RSRP1: variants seen among roughly 807,000 people sequenced by gnomAD.
RSRP1 encodes the protein arginine and serine rich protein 1, also known as arginine/serine-rich protein 1.
RSRP1 carries 37 observed loss-of-function variants against 33.0 expected under a neutral mutation model. The ratio of observed to expected loss-of-function variants is 1.12; its 90% CI spans 0.86 to 1.48. The LOEUF is 1.48. Ranked by LOEUF, RSRP1 falls within the 40% of genes most tolerant of loss-of-function variation. The probability of loss-of-function intolerance (pLI) is 0.00; values close to 1 mark genes in which losing one functional copy is unlikely to be tolerated. For missense variants in RSRP1, 402 were observed against 385.3 expected, an observed-to-expected ratio of 1.04 and a Z score of -0.36; for synonymous variants, 167 against 158.7, an observed-to-expected ratio of 1.05 and a Z score of -0.40.
intron 1 of RSRP1, among the ~76,000 whole-genome samples, chr1:25,331,282 A>C (rs956470009): frequency 4.6e-5 from 6 of 131,002 alleles, no homozygotes; most frequent in African/African-American, 1.0e-4. Flanking sequence ...TCTTCTTATA[A>C]GGACACCAGT....
rs1346306913 is a variant in RSRP1, at chr1:25,297,855, C to A, written c.-67+40123G>T. Among the ~76,000 whole-genome samples the A allele has an allele frequency of 1.3e-4, 17 of 131,274 alleles. 1 individual carries two copies. The highest frequency in any genetic ancestry group is 4.1e-3 in the Middle Eastern group (1 of 244). The allele number at this position is 131,274 out of a possible 152,430, so 86.1% of individuals were successfully genotyped here. ...GACAGTTTTAAAAAACAAACAAACA[C>A]AAAGAACCTCCAAGGGCAGGAGGTG... On this transcript the variant is annotated intron_variant, in intron 1 of 1. Coordinates refer to the RSRP1 transcript ENST00000561867.
rs1337948447 is a variant in RSRP1 at position 25,276,428 on chromosome 1, A to C, written c.-66-29399T>G. On this transcript the variant is annotated intron_variant, in intron 1 of 1. Transcript: ENST00000561867. ...TGTAATAGTTAATTAAAAAAAAAAAAAAACACCCTGGCTGAGCATTTAGGG... is the reference window on the plus strand; with the variant it reads ...TGTAATAGTTAATTAAAAAAAAAAACAAACACCCTGGCTGAGCATTTAGGG... Among the ~76,000 whole-genome samples, 13 of 125,948 alleles carry C rather than the reference A, an allele frequency of 1.0e-4. 1 individual carries two copies. The East Asian group carries it at 2.0e-3, about 19-fold the overall frequency. 82.6% of individuals were successfully genotyped at this position (125,948 alleles called of 152,430 possible). A position where few individuals can be genotyped will look rare whatever the true frequency, so the allele number is the denominator to read the frequency against.
intron 1 of RSRP1, chr1:25,307,673 A>C: frequency 7.7e-7 from 1 of 1,298,716 alleles, no homozygotes; most frequent in Non-Finnish European, 1.1e-6. Flanking sequence ...CTGGCTGTAA[A>C]AATGGCTGAA....
Position 25,291,521 on chromosome 1 carries a change from T to C in RSRP1, c.-66-44492A>G, listed in dbSNP as rs34049445. 1.3e-4 allele frequency among the ~76,000 whole-genome samples: 17 copies of C among 131,522 alleles called. 3 individuals carry two copies. The highest frequency in any genetic ancestry group is 2.0e-4 in the Non-Finnish European group (11 of 55,590). The allele number at this position is 131,522 out of a possible 152,430, so 86.3% of individuals were successfully genotyped here. A position where few individuals can be genotyped will look rare whatever the true frequency, so the allele number is the denominator to read the frequency against. ...GAAAAGATTGATAGATAGATAGATA[T>C]CCAAATGAGTTTACAAAAATGTGGT... On this transcript the variant is annotated intron_variant, in intron 1 of 1. Coordinates refer to the RSRP1 transcript ENST00000561867.
rs753295637 is a variant in RSRP1 at position 25,245,108 on chromosome 1, G to A, written c.672+42C>T. On this transcript the variant is annotated intron_variant, in intron 3 of 4. Transcript: ENST00000243189. ...AAGTGGCTAATCAGATTTGACAGTT[G>A]GCTTTCTGAAAGTTTTGTTCCGACA... 3.1e-6 allele frequency: 5 copies of A among 1,613,932 alleles called. No homozygotes were observed. The South Asian group carries it at 4.4e-5, about 14-fold the overall frequency.
At chr1:25,257,656 C>T (rs1282929432) in intron 1 of RSRP1, among the ~76,000 whole-genome samples, 2 of 147,736 alleles carry the variant, frequency 1.4e-5, no homozygotes, top group African/African-American at 5.1e-5. Flanking sequence ...GTTGAGTGCA[C>T]TGGTGCAGTC....
chr1:25,282,102 AC>A (rs1167214644), intron 1 of RSRP1, among the ~76,000 whole-genome samples: 1 of 131,992 alleles, frequency 7.6e-6, no homozygotes, highest in African/African-American at 2.6e-5. Flanking sequence ...ACTGTACTAA[AC>A]ATTATTTCCT....
Position 25,247,255 on chromosome 1 carries a change from C to CTCCTGAGAGACCACTGCGGTGG in RSRP1, c.-67+32_-67+53dup, listed in dbSNP as rs549478087. On this transcript the variant is annotated intron_variant, in intron 1 of 4. Coordinates refer to ENST00000243189, the MANE Select transcript of RSRP1 (RefSeq NM_020317.5). ...GGCCCGGCACGTTTCCCGTCCCTCA[C>CTCCTGAGAGACCACTGCGGTGG]TCCTGAGAGACCACTGCGGTGGTCC... 1,226 of 399,796 alleles carry CTCCTGAGAGACCACTGCGGTGG rather than the reference C, an allele frequency of 3.1e-3. 17 individuals carry two copies. Among genetic ancestry groups the CTCCTGAGAGACCACTGCGGTGG allele is most frequent in the African/African-American group, 0.024 (1,149 of 48,488 alleles). The allele number at this position is 399,796 out of a possible 1,614,324, so 24.8% of individuals were successfully genotyped here.
chr1:25,331,830 C>G (rs1240270497), intron 1 of RSRP1, among the ~76,000 whole-genome samples: 10 of 121,832 alleles, frequency 8.2e-5, no homozygotes, highest in East Asian at 2.0e-4. Context: ...AGCTCCGCCT[C>G]CCGGGTTCAC....
chr1:25,273,989 CA>C (rs1640717742), intron 1 of RSRP1, among the ~76,000 whole-genome samples: 1 of 132,016 alleles, frequency 7.6e-6, no homozygotes, highest in Non-Finnish European at 1.8e-5. Context: ...AGAGCTGGCA[CA>C]ATTTTAATTC....
intron 1 of RSRP1, chr1:25,253,237 T>C (rs1639845190): frequency 6.6e-6 from 1 of 152,178 alleles, no homozygotes; most frequent in Non-Finnish European, 1.5e-5. Flanking sequence ...TATGGGCTCG[T>C]TCTAAACAAG....
In RSRP1 at chr1:25,307,705, C is replaced by G; in HGVS notation, c.-67+30273G>C. On this transcript the variant is annotated intron_variant, in intron 1 of 1. Coordinates refer to the RSRP1 transcript ENST00000561867. Reference sequence around the variant, plus strand: ...TGAAGCAGGTGATGAGGAGCTGATGCGTTTGGACGTGTCTCAGAGAAATCA... The same window carrying G: ...TGAAGCAGGTGATGAGGAGCTGATGGGTTTGGACGTGTCTCAGAGAAATCA... 17 of 1,307,900 alleles carry G rather than the reference C, an allele frequency of 1.3e-5. 4 individuals are homozygous for G. The highest frequency in any genetic ancestry group is 1.8e-5 in the Non-Finnish European group (17 of 949,906). 81.0% of individuals were successfully genotyped at this position (1,307,900 alleles called of 1,614,324 possible).
rs1308738361 is a variant in RSRP1 at position 25,243,557 on chromosome 1, C to G, written c.749G>C (p.Ser250Thr). 3.7e-6 allele frequency: 6 copies of G among 1,613,590 alleles called. No homozygotes were observed. Among genetic ancestry groups the G allele is most frequent in the East Asian group, 4.5e-5 (2 of 44,804 alleles). Reference sequence around the variant, plus strand: ...ATGCCTGGATATACTTACATTAGAGCTAAAAGCTATGCTTCTTTGCTGGGT... The same window carrying G: ...ATGCCTGGATATACTTACATTAGAGGTAAAAGCTATGCTTCTTTGCTGGGT... ...KPTQQRSIAF[S>T]SNNSVAKPIQ... Residue 250 changes from serine (S) to threonine (T), a missense_variant, in exon 4 of 5, where the codon AGC becomes ACC. Physicochemically the swap from Ser to Thr is moderately conservative, Grantham distance 58 (BLOSUM62 1). Coordinates refer to ENST00000243189, the MANE Select transcript of RSRP1 (RefSeq NM_020317.5).
chr1:25,308,325 G>A (rs2518075), intron 1 of RSRP1, among the ~76,000 whole-genome samples: 99,038 of 106,772 alleles, frequency 0.93, 47,192 homozygotes, highest in Non-Finnish European at 1. Flanking sequence ...TGTTAGAAAT[G>A]CAAGCCCTAC....
rs1415274091 is a variant in RSRP1, at chr1:25,309,300, A to G, written c.-67+28678T>C. ...ATGCAGTTGCAGATACTCTTTTTCA[A>G]TTCTCAGTCCTTTGATTACGTCAGG... On this transcript the variant is annotated intron_variant, in intron 1 of 1. Coordinates refer to the RSRP1 transcript ENST00000561867. Among the ~76,000 whole-genome samples, 6 of 131,274 alleles carry G rather than the reference A, an allele frequency of 4.6e-5. 2 individuals are homozygous for G. Among genetic ancestry groups the G allele is most frequent in the Admixed American group, 1.5e-4 (2 of 13,590 alleles). The allele number at this position is 131,274 out of a possible 152,430, so 86.1% of individuals were successfully genotyped here. A position where few individuals can be genotyped will look rare whatever the true frequency, so the allele number is the denominator to read the frequency against.
intron 1 of RSRP1, among the ~76,000 whole-genome samples, chr1:25,256,129 G>A (rs926780312): frequency 6.6e-6 from 1 of 151,742 alleles, no homozygotes; most frequent in African/African-American, 2.4e-5. Context: ...GTTTTTCCTG[G>A]AAGTCTTCTA....
upstream of RSRP1, among the ~76,000 whole-genome samples, chr1:25,251,985 G>C (rs1472760589): frequency 6.6e-6 from 1 of 151,124 alleles, no homozygotes; most frequent in East Asian, 1.9e-4. Flanking sequence ...CTGCCTCCCT[G>C]GTTCAAGTGA....
chr1:25,264,451 G>A (rs1360636405), intron 1 of RSRP1, among the ~76,000 whole-genome samples: 2 of 149,452 alleles, frequency 1.3e-5, no homozygotes, highest in African/African-American at 4.9e-5. Context: ...ACTCCCCGAA[G>A]CTACAGCCCA....
chr1:25,278,576 G>A lies in RSRP1; in HGVS notation c.-66-31547C>T, dbSNP rs371491457. On this transcript the variant is annotated intron_variant, in intron 1 of 1. Transcript: ENST00000561867. Reference sequence around the variant, plus strand: ...GATGACCTCATTCACGTGTTTGGCAGTTGGTGATTCACTGGGGGCCATTAC... The same window carrying A: ...GATGACCTCATTCACGTGTTTGGCAATTGGTGATTCACTGGGGGCCATTAC... Among the ~76,000 whole-genome samples the A allele has an allele frequency of 7.6e-5, 10 of 131,334 alleles. 1 individual carries two copies. Among genetic ancestry groups the A allele is most frequent in the East Asian group, 2.0e-4 (1 of 5,108 alleles). The allele number at this position is 131,334 out of a possible 152,430, so 86.2% of individuals were successfully genotyped here.
Sources: allele counts gnomAD v4.1 joint callset (sites outside exome capture counted in the v4.1 genomes callset), GRCh38; gene constraint gnomAD v4.1.1; transcripts MANE v1.5; gene names NCBI Gene and HGNC (gene_info 2026-07-23, HGNC 2026-07-21).